RNF175: variants seen among roughly 807,000 people sequenced by gnomAD.
The protein encoded by RNF175 is ring finger protein 175.
A neutral mutation model predicts 50.0 loss-of-function variants in RNF175; 38 were observed. The ratio of observed to expected loss-of-function variants is 0.76; its 90% CI spans 0.59 to 1.00. The LOEUF (loss-of-function observed/expected upper bound fraction) is 1.00, where lower values mean the gene tolerates loss of function less well. Among genes scored for constraint, RNF175 ranks in the 50% least tolerant of loss-of-function variants. The pLI is 0.00. For synonymous variants in RNF175, 155 were observed against 146.1 expected, an observed-to-expected ratio of 1.06 and a Z score of -0.44; for missense variants, 388 against 409.6, an observed-to-expected ratio of 0.95 and a Z score of 0.46.
intron 6 of RNF175, among the ~76,000 whole-genome samples, chr4:153,717,678 C>G (rs1738023317): frequency 6.6e-6 from 1 of 152,112 alleles, no homozygotes; most frequent in Non-Finnish European, 1.5e-5. Context: ...ACAGCAATAA[C>G]TTTATCAACT....
intron 3 of RNF175, among the ~76,000 whole-genome samples, chr4:153,734,972 G>A (rs1315159368): frequency 6.6e-6 from 1 of 151,794 alleles, no homozygotes; most frequent in Non-Finnish European, 1.5e-5. Context: ...CACCATGCCT[G>A]GCCTCATTCT....
intron 1 of RNF175, among the ~76,000 whole-genome samples, chr4:153,759,058 C>T (rs1740694194): frequency 6.6e-6 from 1 of 152,176 alleles, no homozygotes; most frequent in Non-Finnish European, 1.5e-5. Flanking sequence ...TTTTTGTCCT[C>T]GTTTTACGGA....
At chr4:153,727,476 CTAAA>C (rs1738766593) in intron 4 of RNF175, 1 of 152,184 alleles carries the variant, frequency 6.6e-6, no homozygotes, top group Admixed American at 6.5e-5. Flanking sequence ...AGACAAATGT[CTAAA>C]TAATCATAAA....
intron 4 of RNF175, among the ~76,000 whole-genome samples, chr4:153,725,303 AGTTTAG>A (rs1381432411): frequency 2.6e-5 from 4 of 152,166 alleles, no homozygotes; most frequent in Admixed American, 6.5e-5. Flanking sequence ...AGTACTGAGC[AGTTTAG>A]ATCATTGCTC....
At position 153,720,216 on chromosome 4, in the gene RNF175, T is replaced by A; in HGVS notation, c.598A>T (p.Ile200Phe). The change falls in exon 6 of 9, where the codon ATC (isoleucine) becomes TTC (phenylalanine). Residue 200 changes from isoleucine to phenylalanine, a missense_variant. Physicochemically the swap from Ile to Phe is conservative, Grantham distance 21. Coordinates refer to ENST00000347063, the MANE Select transcript of RNF175 (RefSeq NM_173662.4). The part of the protein sequence containing the change: ...YGVMGRDFAE[I>F]CSDYMASTIG... ...GTGGAAGCCATGTAGTCTGAGCAGA[T>A]CTCGGCAAAGTCTCTCCCCATTACT... The A allele has an allele frequency of 6.2e-7, 1 of 1,613,818 alleles. No individual in the cohort carries two copies. Among genetic ancestry groups the A allele is most frequent in the Non-Finnish European group, 8.5e-7 (1 of 1,179,758 alleles).
chr4:153,749,019 C>T (rs1372300820), intron 2 of RNF175, among the ~76,000 whole-genome samples: 2 of 152,200 alleles, frequency 1.3e-5, no homozygotes, highest in East Asian at 3.9e-4. Context: ...AGGAGCCTGA[C>T]TTTCTTAGCA....
intron 3 of RNF175, 165 bp downstream of exon 3, chr4:153,748,480 T>G: frequency 1.8e-6 from 1 of 557,806 alleles, no homozygotes; most frequent in East Asian, 3.3e-5. Context: ...TTTCCAGACA[T>G]TGCCAAATGT....
At chr4:153,758,351 T>A (rs1472743539) in intron 1 of RNF175, among the ~76,000 whole-genome samples, 1 of 152,176 alleles carries the variant, frequency 6.6e-6, no homozygotes, top group Non-Finnish European at 1.5e-5. Context: ...TCCCAGGTAA[T>A]GCCTTGGCTG....
chr4:153,727,993 TA>T (rs1275087086), intron 4 of RNF175, among the ~76,000 whole-genome samples: 1 of 152,230 alleles, frequency 6.6e-6, no homozygotes, highest in Non-Finnish European at 1.5e-5. Context: ...TTTGAAGTAA[TA>T]AATTTTACAT....
At chr4:153,730,000 T>C (rs878867863) in intron 3 of RNF175, among the ~76,000 whole-genome samples, 9 of 152,198 alleles carry the variant, frequency 5.9e-5, no homozygotes, top group African/African-American at 2.2e-4. Context: ...TTGAGATAAA[T>C]ACACATACAC....
At chr4:153,743,049 G>T (rs1298218036) in intron 3 of RNF175, among the ~76,000 whole-genome samples, 1 of 152,152 alleles carries the variant, frequency 6.6e-6, no homozygotes, top group Non-Finnish European at 1.5e-5. Context: ...ATTTAGGTCA[G>T]CATTTATGGA....
chr4:153,749,381 T>C (rs139540624), intron 2 of RNF175, among the ~76,000 whole-genome samples: 117 of 152,338 alleles, frequency 7.7e-4, no homozygotes, highest in African/African-American at 2.8e-3. Context: ...TTTAAATCAT[T>C]TGCTACTATT....
intron 1 of RNF175, among the ~76,000 whole-genome samples, chr4:153,752,256 C>A (rs1183991941): frequency 6.6e-6 from 1 of 152,220 alleles, no homozygotes; most frequent in Non-Finnish European, 1.5e-5. Context: ...GCCCCCAAAG[C>A]AGAAGTTAGC....
intron 5 of RNF175, among the ~76,000 whole-genome samples, chr4:153,722,205 G>A (rs1738381146): frequency 1.3e-5 from 2 of 152,158 alleles, no homozygotes; most frequent in African/African-American, 4.8e-5. Context: ...CAGGACACAG[G>A]CTGGTTACTC....
chr4:153,735,205 T>C (rs1296022620), intron 3 of RNF175, among the ~76,000 whole-genome samples: 1 of 151,788 alleles, frequency 6.6e-6, no homozygotes, highest in Non-Finnish European at 1.5e-5. Flanking sequence ...AAAGGTGTAT[T>C]GTATGTTCTG....
At chr4:153,715,470 G>GAGA in intron 7 of RNF175, 59 bp downstream of exon 7, 1 of 1,496,276 alleles carries the variant, frequency 6.7e-7, no homozygotes, top group East Asian at 2.5e-5. Context: ...GGAGGAGGAG[G>GAGA]AGAAGGAGGA....
In RNF175 at chr4:153,710,478, G is replaced by A. The variant is rs778778663; in HGVS notation, c.878C>T (p.Thr293Ile). ...KRMISNPWER[T>I]HFLYGQILDW... ...CAGGATTTGTCCATACAGAAAATGT[G>A]TGCGCTCCCAGCTAAATCTCAGTTA... is the stretch of plus-strand genomic sequence containing the variant. The change falls in exon 9 of 9, where the codon ACA (threonine) becomes ATA (isoleucine). Residue 293 changes from threonine (T) to isoleucine (I), a missense_variant. Coordinates refer to ENST00000347063, the MANE Select transcript of RNF175 (RefSeq NM_173662.4). The A allele has an allele frequency of 6.2e-7, 1 of 1,608,894 alleles. No individual in the cohort carries two copies. Among genetic ancestry groups the A allele is most frequent in the Non-Finnish European group, 8.5e-7 (1 of 1,177,578 alleles).
chr4:153,732,482 C>T (rs939914353), intron 3 of RNF175, among the ~76,000 whole-genome samples: 3 of 152,132 alleles, frequency 2.0e-5, no homozygotes, highest in Non-Finnish European at 2.9e-5. Context: ...AGACACAATG[C>T]TTTATTGGCC....
intron 1 of RNF175, among the ~76,000 whole-genome samples, chr4:153,756,330 A>ACT (rs955608562): frequency 2.0e-5 from 3 of 151,606 alleles, no homozygotes; most frequent in Admixed American, 1.3e-4. Context: ...CCCACTTGGG[A>ACT]CTCTCTCTCT....
Sources: allele counts gnomAD v4.1 joint callset (sites outside exome capture counted in the v4.1 genomes callset), GRCh38; gene constraint gnomAD v4.1.1; transcripts MANE v1.5; gene names NCBI Gene and HGNC (gene_info 2026-07-23, HGNC 2026-07-21).